Variants in GSPT1 observed in about 807,000 individuals in gnomAD.
GSPT1 encodes the protein G1 to S phase transition 1.
A neutral mutation model predicts 72.5 loss-of-function variants in GSPT1; 20 were observed. That is an observed-to-expected ratio of 0.28 (90% CI 0.19 to 0.40). GSPT1 has a LOEUF of 0.40. Ranked by LOEUF, GSPT1 falls within the 10% of genes least tolerant of loss-of-function variation. The pLI is 1.00. For missense variants in GSPT1, 580 were observed against 811.9 expected (o/e 0.71, Z 3.47); for synonymous variants, 334 against 293.5 (o/e 1.14, Z -1.41).
intron 10 of GSPT1, 40 bp downstream of exon 10, chr16:11,885,140 TC>T: frequency 1.1e-6 from 1 of 887,402 alleles, no homozygotes; most frequent in East Asian, 2.4e-5. Context: ...AACAATGATT[TC>T]CCCTCCCAGG....
intron 11 of GSPT1, among the ~76,000 whole-genome samples, chr16:11,878,479 G>T (rs531025674): frequency 6.6e-6 from 1 of 151,606 alleles, no homozygotes; most frequent in East Asian, 1.9e-4. Flanking sequence ...CTTTAGCCCC[G>T]CTACTTGGAA....
chr16:11,898,351 C>A (rs1007329117), intron 1 of GSPT1, among the ~76,000 whole-genome samples: 1 of 151,956 alleles, frequency 6.6e-6, no homozygotes, highest in African/African-American at 2.4e-5. Flanking sequence ...CAGCTCAGCA[C>A]AGATCAAATT....
At chr16:11,897,305 G>A (rs1256012825) in intron 3 of GSPT1, among the ~76,000 whole-genome samples, 1 of 152,180 alleles carries the variant, frequency 6.6e-6, no homozygotes, top group Non-Finnish European at 1.5e-5. Context: ...CAGAACGTGT[G>A]GCCGAGCATG....
chr16:11,870,952 A>C lies in GSPT1; in HGVS notation c.*2167T>G, dbSNP rs2053971617. 1 of 152,198 alleles carries C rather than the reference A, an allele frequency of 6.6e-6. No homozygotes were observed. Among genetic ancestry groups the C allele is most frequent in the African/African-American group, 2.4e-5 (1 of 41,442 alleles). 9.4% of individuals were successfully genotyped at this position (152,198 alleles called of 1,614,324 possible). ...TAGCAAACATAACTTATTTTTTAAA[A>C]ATGTGTTCTATTTAGAAAGGGAACT... On this transcript the variant is annotated 3_prime_UTR_variant, in exon 15 of 15. Transcript: ENST00000434724.
chr16:11,887,465 TTTCACTGCAACCTGAATTTG>T, intron 7 of GSPT1, 85 bp downstream of exon 7: 1 of 900,576 alleles, frequency 1.1e-6, no homozygotes, highest in Non-Finnish European at 1.8e-6. Context: ...CATCATTATA[TTTCACTGCAACCTGAATTTG>T]AGCTTTTAGA....
chr16:11,883,459 C>CAAAAAAGAAAAAAAAAAAAAAA (rs2054146723), intron 10 of GSPT1, among the ~76,000 whole-genome samples: 1 of 66,466 alleles, frequency 1.5e-5, no homozygotes, highest in Non-Finnish European at 2.7e-5. Flanking sequence ...ACTAAAAATA[C>CAAAAAAGAAAAAAAAAAAAAAA]AAAAAAAAAA....
chr16:11,909,309 A>G (rs981250289), intron 1 of GSPT1, among the ~76,000 whole-genome samples: 3 of 152,218 alleles, frequency 2.0e-5, no homozygotes, highest in African/African-American at 7.2e-5. Flanking sequence ...ATATAAATCT[A>G]CAGTCTCGGC....
intron 6 of GSPT1, 114 bp downstream of exon 6, chr16:11,890,948 T>G: frequency 1.6e-6 from 1 of 608,918 alleles, no homozygotes; most frequent in Admixed American, 3.3e-5. Context: ...AAATTTCCTT[T>G]GTTGTGATAC....
Position 11,877,333 on chromosome 16 carries a change from G to A in GSPT1, c.1602+74C>T, listed in dbSNP as rs2054061274. 2 of 1,045,584 alleles carry A rather than the reference G, an allele frequency of 1.9e-6. No homozygotes were observed. Among genetic ancestry groups the A allele is most frequent in the Admixed American group, 2.8e-5 (1 of 35,950 alleles). 64.8% of individuals were successfully genotyped at this position (1,045,584 alleles called of 1,614,324 possible). A position where few individuals can be genotyped will look rare whatever the true frequency, so the allele number is the denominator to read the frequency against. On this transcript the variant is annotated intron_variant, in intron 12 of 14. Coordinates refer to ENST00000434724, the MANE Select transcript of GSPT1 (RefSeq NM_002094.4). This position sits in a 1 kb window ranked among gnomAD's most constrained non-coding sequence, Gnocchi z 4.0. The stretch of plus-strand genomic sequence containing the variant: ...TTAACTGGCATGTCACAAATAATCA[G>A]GACAAAAGGCACTGATATTCTAATT...
rs1444473677 is a variant in GSPT1, at chr16:11,877,292, T to TC, written c.1602+114dup. On this transcript the variant is annotated intron_variant, in intron 12 of 14. Transcript: ENST00000434724. This position sits in a 1 kb window ranked among gnomAD's most constrained non-coding sequence, Gnocchi z 4.0. ...GCTTATAATATTTCCATTCCCCTTC[T>TC]CTACACTAAGATGGGTTAACTGGCA... is the stretch of plus-strand genomic sequence containing the variant. 5.9e-6 allele frequency: 4 copies of TC among 676,984 alleles called. No homozygotes were observed. The highest frequency in any genetic ancestry group is 9.6e-6 in the Non-Finnish European group (4 of 415,652). 41.9% of individuals were successfully genotyped at this position (676,984 alleles called of 1,614,324 possible).
intron 4 of GSPT1, among the ~76,000 whole-genome samples, 160 bp downstream of exon 4, chr16:11,896,398 G>A (rs1167431220): frequency 1.3e-5 from 2 of 152,072 alleles, no homozygotes; most frequent in Non-Finnish European, 2.9e-5. Context: ...CAGGAAAAAA[G>A]TACTTGCAAT....
At chr16:11,883,897 G>C (rs1294815620) in intron 10 of GSPT1, among the ~76,000 whole-genome samples, 1 of 149,982 alleles carries the variant, frequency 6.7e-6, no homozygotes, top group African/African-American at 2.5e-5. Flanking sequence ...TGGTGAAACA[G>C]CGAGACTCCA....
chr16:11,903,760 T>C (rs948089540), intron 1 of GSPT1, among the ~76,000 whole-genome samples: 5 of 152,240 alleles, frequency 3.3e-5, no homozygotes, highest in Non-Finnish European at 7.3e-5. Flanking sequence ...ATGTACTAAA[T>C]GCCACTGAAT....
intron 1 of GSPT1, 143 bp from the exon 2 acceptor site, chr16:11,898,178 G>C: frequency 1.6e-6 from 1 of 612,978 alleles, no homozygotes; most frequent in Non-Finnish European, 2.9e-6. Flanking sequence ...GCTAACTCAG[G>C]CCTTCAAGTT....
intron 10 of GSPT1, among the ~76,000 whole-genome samples, chr16:11,883,459 C>CAAAAAAGAAAAAAAAAAAAAA: frequency 1.5e-5 from 1 of 66,466 alleles, no homozygotes; most frequent in Non-Finnish European, 2.7e-5. Context: ...ACTAAAAATA[C>CAAAAAAGAAAAAAAAAAAAAA]AAAAAAAAAA....
chr16:11,877,749 T>A lies in GSPT1; in HGVS notation c.1429-169A>T, dbSNP rs756704554. On this transcript the variant is annotated intron_variant, in intron 11 of 14. Transcript: ENST00000434724. This position sits in a 1 kb window ranked among gnomAD's most constrained non-coding sequence, Gnocchi z 4.0. ...CTAGATATGATCAGCAAAAATCATA[T>A]CCTAGAAGTATAACTGCCAATTAAA... 2.0e-5 allele frequency among the ~76,000 whole-genome samples: 3 copies of A among 152,212 alleles called. No individual in the cohort carries two copies. Among genetic ancestry groups the A allele is most frequent in the Non-Finnish European group, 2.9e-5 (2 of 68,042 alleles).
chr16:11,885,755 G>A (rs1417860156), intron 9 of GSPT1, among the ~76,000 whole-genome samples: 1 of 152,072 alleles, frequency 6.6e-6, no homozygotes, highest in Non-Finnish European at 1.5e-5. Flanking sequence ...AGCCGGGTGC[G>A]GTGGCATGTG....
chr16:11,911,700 G>A (rs1596478012), intron 1 of GSPT1, among the ~76,000 whole-genome samples: 2 of 151,450 alleles, frequency 1.3e-5, no homozygotes, highest in Non-Finnish European at 2.9e-5. Context: ...CTACGGGCGC[G>A]CACCACCATG....
At position 11,880,516 on chromosome 16, in the gene GSPT1, G is replaced by A. The variant is rs115760416; in HGVS notation, c.1428+2499C>T. 3.2e-3 allele frequency among the ~76,000 whole-genome samples: 483 copies of A among 152,192 alleles called. 4 individuals carry two copies. The highest frequency in any genetic ancestry group is 0.011 in the African/African-American group (448 of 41,536). On this transcript the variant is annotated intron_variant, in intron 11 of 14. Transcript: ENST00000434724. ...CCAAAAAAAAGTTTTTAATTGAGAT[G>A]GGATCTCACACATAGTGAGAGACCC...
Sources: gnomAD v4.1 joint callset for allele counts (sites outside exome capture counted in the v4.1 genomes callset) on GRCh38, gnomAD v4.1.1 for gene constraint, Gnocchi (gnomAD v3.1) non-coding constraint, MANE v1.5 for transcripts, NCBI Gene and HGNC (gene_info 2026-07-23, HGNC 2026-07-21) for gene names.